WWOX: variants seen among roughly 807,000 people sequenced by gnomAD.
The protein encoded by WWOX is WW domain containing oxidoreductase.
A neutral mutation model predicts 46.2 loss-of-function variants in WWOX; 69 were observed. That is an observed-to-expected ratio of 1.49 (90% CI 1.23 to 1.82). The LOEUF is 1.82. WWOX is among the 40% of genes most tolerant of loss of function. The pLI is 0.00. For missense variants in WWOX, 919 were observed against 542.6 expected, an observed-to-expected ratio of 1.69 and a Z score of -6.89; for synonymous variants, 359 against 202.6, an observed-to-expected ratio of 1.77 and a Z score of -6.56.
chr16:78,847,030 C>T (rs903612523), intron 8 of WWOX, among the ~76,000 whole-genome samples: 2 of 152,252 alleles, frequency 1.3e-5, no homozygotes, highest in African/African-American at 2.4e-5. Flanking sequence ...CAGGTTCCTG[C>T]ACCCTTTTGA....
chr16:78,123,795 C>T (rs766449557), intron 4 of WWOX: 1 of 152,026 alleles, frequency 6.6e-6, no homozygotes, highest in Non-Finnish European at 1.5e-5. Flanking sequence ...CCCTTGCCCC[C>T]TGCTACAAGC....
At chr16:78,947,429 G>A (rs1343811717) in intron 8 of WWOX, among the ~76,000 whole-genome samples, 1 of 152,134 alleles carries the variant, frequency 6.6e-6, no homozygotes, top group Non-Finnish European at 1.5e-5. Context: ...TCTTGCTTTT[G>A]AGTGCTAACT....
At chr16:78,652,260 T>A (rs554097569) in intron 8 of WWOX, among the ~76,000 whole-genome samples, 211 of 149,916 alleles carry the variant, frequency 1.4e-3, no homozygotes, top group African/African-American at 5.0e-3. Context: ...AATCCAAAAA[T>A]TAGCTGGGCG....
At chr16:78,816,070 C>G (rs1447619598) in intron 8 of WWOX, among the ~76,000 whole-genome samples, 1 of 152,172 alleles carries the variant, frequency 6.6e-6, no homozygotes, top group Non-Finnish European at 1.5e-5. Context: ...TTCTATTCTG[C>G]TTTTCTAGCA....
intron 8 of WWOX, among the ~76,000 whole-genome samples, chr16:78,452,886 T>TATATATATATACATACA (rs1567582114): frequency 1.3e-5 from 2 of 151,078 alleles, no homozygotes; most frequent in Admixed American, 6.6e-5. Context: ...TATATACATA[T>TATATATATATACATACA]TTTTGAGAGG....
chr16:78,335,218 A>ATCACCT (rs1171610121), intron 5 of WWOX, among the ~76,000 whole-genome samples: 4 of 152,176 alleles, frequency 2.6e-5, no homozygotes, highest in Non-Finnish European at 5.9e-5. Context: ...TTTGCTGCAG[A>ATCACCT]GATCAACTTA....
rs575878887 is a variant in WWOX, at chr16:78,774,494, T to C, written c.1056+341742T>C. Among the ~76,000 whole-genome samples the C allele has an allele frequency of 5.8e-3, 618 of 106,566 alleles. 3 individuals carry two copies. The highest frequency in any genetic ancestry group is 0.021 in the African/African-American group (573 of 27,100). The allele number at this position is 106,566 out of a possible 152,430, so 69.9% of individuals were successfully genotyped here. ...TTCGGGCAGTTTCTTGACAGACCCATTTTGTGTGTGTGTGTGTGTGTGTGT... is the reference window on the plus strand; with the variant it reads ...TTCGGGCAGTTTCTTGACAGACCCACTTTGTGTGTGTGTGTGTGTGTGTGT... On this transcript the variant is annotated intron_variant, in intron 8 of 8. Coordinates refer to ENST00000566780, the MANE Select transcript of WWOX (RefSeq NM_016373.4).
At chr16:78,570,966 C>G (rs1023019724) in intron 8 of WWOX, among the ~76,000 whole-genome samples, 4 of 152,158 alleles carry the variant, frequency 2.6e-5, no homozygotes, top group East Asian at 1.9e-4. Flanking sequence ...GAAACGGTGC[C>G]CTGGCAAGGC....
Position 78,486,823 on chromosome 16 carries a change from CGGCCTCCCAAAG to C in WWOX, c.1056+54072_1056+54083del, listed in dbSNP as rs2084649973. 2.0e-5 allele frequency among the ~76,000 whole-genome samples: 3 copies of C among 152,170 alleles called. No homozygotes were observed. The South Asian group carries it at 6.2e-4, about 32-fold the overall frequency. The stretch of plus-strand genomic sequence containing the variant: ...TCCTGACTTCGTGATCCACTCGCCT[CGGCCTCCCAAAG>C]TGCTGGGATTACAGGCATGAGCCAC... On this transcript the variant is annotated intron_variant, in intron 8 of 8. Transcript: ENST00000566780.
At chr16:78,702,708 C>G (rs1386358614) in intron 8 of WWOX, among the ~76,000 whole-genome samples, 1 of 151,530 alleles carries the variant, frequency 6.6e-6, no homozygotes, top group African/African-American at 2.4e-5. Context: ...GGGAGAAAGC[C>G]AAAGGTTAGA....
chr16:78,189,137 C>A (rs937497841), intron 5 of WWOX, among the ~76,000 whole-genome samples: 1 of 152,144 alleles, frequency 6.6e-6, no homozygotes, highest in Non-Finnish European at 1.5e-5. Flanking sequence ...GGGTTCAGGT[C>A]TGAGCCAAGC....
chr16:78,231,875 A>G (rs1025140648), intron 5 of WWOX, among the ~76,000 whole-genome samples: 28 of 133,748 alleles, frequency 2.1e-4, no homozygotes, highest in African/African-American at 8.4e-4. Context: ...AGACATGTCA[A>G]TTTTTTCTGA....
At chr16:78,682,393 G>T (rs77484826) in intron 8 of WWOX, among the ~76,000 whole-genome samples, 2,939 of 152,200 alleles carry the variant, frequency 0.019, 103 homozygotes, top group African/African-American at 0.066. Context: ...TTCTGCATGT[G>T]GGTAGTTGGC....
At chr16:79,111,854 A>G (rs1249816689) in intron 8 of WWOX, among the ~76,000 whole-genome samples, 1 of 152,168 alleles carries the variant, frequency 6.6e-6, no homozygotes, top group Non-Finnish European at 1.5e-5. Flanking sequence ...GGACAAATTT[A>G]TGTAACAGAC....
intron 8 of WWOX, among the ~76,000 whole-genome samples, chr16:78,831,519 C>A (rs1343783957): frequency 6.6e-6 from 1 of 152,120 alleles, no homozygotes; most frequent in African/African-American, 2.4e-5. Context: ...TGGGAGACCC[C>A]GGTGCCCATG....
chr16:78,503,377 T>C (rs1465728461), intron 8 of WWOX, among the ~76,000 whole-genome samples: 2 of 152,152 alleles, frequency 1.3e-5, no homozygotes, highest in Non-Finnish European at 2.9e-5. Context: ...AGATAATACA[T>C]ATGCTGAAAT....
chr16:78,529,823 C>G (rs1391737287), intron 8 of WWOX, among the ~76,000 whole-genome samples: 8 of 152,156 alleles, frequency 5.3e-5, no homozygotes, highest in African/African-American at 1.9e-4. Context: ...AGGGAGCCAG[C>G]TATACTTACA....
chr16:79,061,173 T>C (rs1424085344), intron 8 of WWOX, among the ~76,000 whole-genome samples: 1 of 152,188 alleles, frequency 6.6e-6, no homozygotes, highest in Non-Finnish European at 1.5e-5. Flanking sequence ...CCAGATCTCA[T>C]TTTGTGTGCC....
At chr16:78,162,918 T>A (rs192927873) in intron 4 of WWOX, among the ~76,000 whole-genome samples, 1 of 152,310 alleles carries the variant, frequency 6.6e-6, no homozygotes, top group Admixed American at 6.5e-5. Context: ...TTACTCTTAT[T>A]ACTCTTATTT....
Sources: allele counts gnomAD v4.1 joint callset (sites outside exome capture counted in the v4.1 genomes callset), GRCh38; gene constraint gnomAD v4.1.1; transcripts MANE v1.5; gene names NCBI Gene and HGNC (gene_info 2026-07-23, HGNC 2026-07-21).